Variants in IQGAP2 observed in about 807,000 individuals in gnomAD.
The protein encoded by IQGAP2 is ras GTPase-activating-like protein IQGAP2.
In IQGAP2, 173 loss-of-function variants were observed where a neutral mutation model predicts 201.3. The observed-to-expected ratio is 0.86, with a 90% confidence interval of 0.76 to 0.98. The LOEUF (loss-of-function observed/expected upper bound fraction) is 0.98. Among genes scored for constraint, IQGAP2 ranks in the 50% least tolerant of loss-of-function variants. The probability of loss-of-function intolerance (pLI) is 0.00; values close to 1 mark genes in which losing one functional copy is unlikely to be tolerated. For synonymous variants in IQGAP2, 675 were observed against 673.9 expected, an observed-to-expected ratio of 1.00 and a Z score of -0.03; for missense variants, 1,687 against 1,864.8, an observed-to-expected ratio of 0.90 and a Z score of 1.76.
At chr5:76,591,913 G>T (rs981536415) in intron 8 of IQGAP2, among the ~76,000 whole-genome samples, 1 of 152,102 alleles carries the variant, frequency 6.6e-6, no homozygotes. Context: ...AATGATGGCC[G>T]GGTTTGTCTC....
intron 2 of IQGAP2, 111 bp from the exon 3 acceptor site, chr5:76,562,285 C>G (rs1006690651): frequency 1.5e-5 from 11 of 755,920 alleles, no homozygotes; most frequent in Non-Finnish European, 2.4e-5. Context: ...AAAGATGTTT[C>G]AGATCCTTCT....
chr5:76,502,032 C>T (rs1304842270), intron 2 of IQGAP2, among the ~76,000 whole-genome samples: 2 of 152,128 alleles, frequency 1.3e-5, no homozygotes, highest in African/African-American at 4.8e-5. Flanking sequence ...CTTTGCTTTG[C>T]CCATGAAGAC....
intron 17 of IQGAP2, among the ~76,000 whole-genome samples, chr5:76,641,849 T>G (rs1353711054): frequency 1.3e-5 from 2 of 152,232 alleles, no homozygotes; most frequent in Non-Finnish European, 2.9e-5. Flanking sequence ...TTGAACATTT[T>G]TCTGTTGAAG....
In IQGAP2 at chr5:76,597,446, T is replaced by A. The variant is rs141398992; in HGVS notation, c.915T>A (p.Ala305=). Residue 305 remains alanine, a synonymous_variant, in exon 10 of 36, where the codon GCT becomes GCA. Transcript: ENST00000274364. ...QGNINKVNRQ[A]AVDHINAVIP... is the part of the protein sequence containing the mutation. ...ATGAACCCCCATCCTCAGGGCAGGC[T>A]GCAGTGGACCATATCAATGCTGTCA... 842 of 1,613,958 alleles carry A rather than the reference T, an allele frequency of 5.2e-4. 3 individuals are homozygous for A. The African/African-American group carries it at 6.2e-3, about 12-fold the overall frequency.
chr5:76,640,888 T>C, intron 16 of IQGAP2, 45 bp from the exon 17 acceptor site: 1 of 1,382,696 alleles, frequency 7.2e-7, no homozygotes, highest in Non-Finnish European at 9.9e-7. Flanking sequence ...TGTGTGCCTT[T>C]CAGCTGATGT....
At chr5:76,640,879 G>A (rs1751517933) in intron 16 of IQGAP2, 54 bp from the exon 17 acceptor site, 1 of 1,259,368 alleles carries the variant, frequency 7.9e-7, no homozygotes, top group Non-Finnish European at 1.1e-6. Flanking sequence ...GCTATTCTAT[G>A]TGTGCCTTTC....
intron 2 of IQGAP2, among the ~76,000 whole-genome samples, chr5:76,533,015 AC>A (rs1184327294): frequency 2.6e-5 from 4 of 152,062 alleles, no homozygotes; most frequent in Admixed American, 6.5e-5. Context: ...TGATATTCCT[AC>A]TCTTTCCCCA....
chr5:76,643,936 TGAG>T (rs1205496551), intron 17 of IQGAP2, among the ~76,000 whole-genome samples: 1 of 152,036 alleles, frequency 6.6e-6, no homozygotes, highest in Non-Finnish European at 1.5e-5. Context: ...TTTTTACCTT[TGAG>T]GAGAGGGAGA....
chr5:76,489,638 A>C lies in IQGAP2; in HGVS notation c.146+27969A>C. On this transcript the variant is annotated intron_variant, in intron 2 of 35. Coordinates refer to ENST00000274364, the MANE Select transcript of IQGAP2 (RefSeq NM_006633.5). ...CTCCATGCCAGGCTAACTCTTTTGG[A>C]TTTTTTTAGTAGAGATGGGGTTTCA... 1.3e-5 allele frequency among the ~76,000 whole-genome samples: 2 copies of C among 151,740 alleles called. 1 individual carries two copies. The highest frequency in any genetic ancestry group is 4.8e-5 in the African/African-American group (2 of 41,320).
chr5:76,691,889 T>C (rs1291276520), intron 30 of IQGAP2, among the ~76,000 whole-genome samples: 1 of 152,230 alleles, frequency 6.6e-6, no homozygotes, highest in Non-Finnish European at 1.5e-5. Flanking sequence ...TTGGGAGTAG[T>C]TGCCCATATC....
chr5:76,420,298 T>C (rs1195253016), intron 1 of IQGAP2, among the ~76,000 whole-genome samples: 1 of 152,142 alleles, frequency 6.6e-6, no homozygotes, highest in African/African-American at 2.4e-5. Flanking sequence ...ATTCTTACCA[T>C]TTTTCAGTGG....
chr5:76,515,501 A>C (rs1461161942), intron 2 of IQGAP2, among the ~76,000 whole-genome samples: 2 of 152,246 alleles, frequency 1.3e-5, no homozygotes, highest in Admixed American at 6.5e-5. Context: ...TTAGCAACTC[A>C]GTTATTGCCT....
chr5:76,599,940 T>C (rs114214447), intron 10 of IQGAP2, among the ~76,000 whole-genome samples: 464 of 152,328 alleles, frequency 3.0e-3, no homozygotes, highest in African/African-American at 0.01. Flanking sequence ...TTCTGAAATC[T>C]AAGACGTATT....
chr5:76,652,665 C>T, intron 17 of IQGAP2, 85 bp from the exon 18 acceptor site: 2 of 946,380 alleles, frequency 2.1e-6, no homozygotes, highest in South Asian at 2.6e-5. Context: ...CTCCATGCGG[C>T]CTGAGATGTG....
rs544086802 is a variant in IQGAP2, at chr5:76,608,559, A to T, written c.1357+2256A>T. Reference sequence around the variant, plus strand: ...TTTTTCATGGACGTTTTGAAGGTGCATTACTCTTGCCTCCCCACCTTATTC... The same window carrying T: ...TTTTTCATGGACGTTTTGAAGGTGCTTTACTCTTGCCTCCCCACCTTATTC... On this transcript the variant is annotated intron_variant, in intron 12 of 35. Transcript: ENST00000274364. 2.0e-4 allele frequency among the ~76,000 whole-genome samples: 31 copies of T among 152,328 alleles called. No homozygotes were observed. In the East Asian group the frequency reaches 4.8e-3, roughly 24 times the overall value.
intron 21 of IQGAP2, among the ~76,000 whole-genome samples, chr5:76,662,517 A>AG (rs557329678): frequency 1.3e-5 from 2 of 152,212 alleles, no homozygotes; most frequent in Non-Finnish European, 2.9e-5. Context: ...GGGAGGGAAA[A>AG]GGGGGGAATT....
rs564047166 is a variant in IQGAP2, at chr5:76,672,072, C to T, written c.3068+89C>T. On this transcript the variant is annotated intron_variant, in intron 24 of 35. Transcript: ENST00000274364. ...ATTGATACTCTTAAACTTTGTTAGG[C>T]GAACTGTACAAAGTCAGTTATCAAT... 1.9e-5 allele frequency: 19 copies of T among 986,586 alleles called. No individual in the cohort carries two copies. The African/African-American group carries it at 2.1e-4, about 11-fold the overall frequency. The allele number at this position is 986,586 out of a possible 1,614,324, so 61.1% of individuals were successfully genotyped here.
chr5:76,551,188 C>T (rs1162105838), intron 2 of IQGAP2, among the ~76,000 whole-genome samples: 4 of 145,368 alleles, frequency 2.8e-5, no homozygotes, highest in Admixed American at 6.8e-5. Flanking sequence ...CGGGCAGAGA[C>T]GCTCCTCACC....
intron 14 of IQGAP2, among the ~76,000 whole-genome samples, chr5:76,630,103 G>A (rs1299881867): frequency 6.6e-6 from 1 of 152,142 alleles, no homozygotes; most frequent in Non-Finnish European, 1.5e-5. Flanking sequence ...TTGTGACTTA[G>A]AGCACATCAG....
Sources: gnomAD v4.1 joint callset for allele counts (sites outside exome capture counted in the v4.1 genomes callset) on GRCh38, gnomAD v4.1.1 for gene constraint, MANE v1.5 for transcripts, NCBI Gene and HGNC (gene_info 2026-07-23, HGNC 2026-07-21) for gene names.